ADGRL3: variants seen among roughly 807,000 people sequenced by gnomAD.
ADGRL3 encodes calcium-independent alpha-latrotoxin receptor 3.
A neutral mutation model predicts 153.5 loss-of-function variants in ADGRL3; 62 were observed. The observed-to-expected ratio is 0.40, with a 90% CI of 0.33 to 0.50. The LOEUF is 0.50. Ranked by LOEUF, ADGRL3 falls within the 20% of genes least tolerant of loss-of-function variation. The pLI is 0.47. For synonymous variants in ADGRL3, 710 were observed against 672.5 expected (o/e 1.06, Z -0.86); for missense variants, 1,641 against 1,859.4 (o/e 0.88, Z 2.16).
intron 13 of ADGRL3, among the ~76,000 whole-genome samples, chr4:61,931,043 G>GACAT (rs2098815603): frequency 1.3e-5 from 2 of 152,046 alleles, no homozygotes; most frequent in South Asian, 4.1e-4. Context: ...CTAGTAAAGG[G>GACAT]ACATGTCAGC....
intron 9 of ADGRL3, among the ~76,000 whole-genome samples, chr4:61,818,284 A>G (rs2097711102): frequency 6.6e-6 from 1 of 152,210 alleles, no homozygotes; most frequent in African/African-American, 2.4e-5. Flanking sequence ...TCGGGTAGTC[A>G]TTAAACCTTA....
At chr4:61,237,875 T>C (rs1196296256) in intron 1 of ADGRL3, among the ~76,000 whole-genome samples, 1 of 152,176 alleles carries the variant, frequency 6.6e-6, no homozygotes, top group Non-Finnish European at 1.5e-5. Context: ...GGGTGAAATA[T>C]TGAAACACAG....
At chr4:61,756,969 C>A (rs1174904716) in intron 8 of ADGRL3, among the ~76,000 whole-genome samples, 1 of 152,164 alleles carries the variant, frequency 6.6e-6, no homozygotes, top group African/African-American at 2.4e-5. Context: ...AGGGATGAAG[C>A]CCACTTGATC....
rs553776871 is a variant in ADGRL3, at chr4:61,764,136, C to T, written c.1399+30582C>T. ...CTAAGCCAATTTGAATAAACCATTA[C>T]ATAATTTTATAAATTAATTTGGTAA... On this transcript the variant is annotated intron_variant, in intron 8 of 26. Coordinates refer to ENST00000683033, the MANE Select transcript of ADGRL3 (RefSeq NM_001387552.1). Among the ~76,000 whole-genome samples the T allele has an allele frequency of 2.0e-5, 3 of 152,208 alleles. No individual in the cohort carries two copies. The South Asian group carries it at 6.2e-4, about 32-fold the overall frequency.
At chr4:61,284,277 A>G (rs1270762682) in intron 1 of ADGRL3, among the ~76,000 whole-genome samples, 2 of 151,946 alleles carry the variant, frequency 1.3e-5, no homozygotes, top group African/African-American at 4.8e-5. Context: ...GCAGCTCACC[A>G]TCAGATTGCA....
chr4:61,714,093 C>T (rs1270938282), intron 6 of ADGRL3, among the ~76,000 whole-genome samples: 2 of 152,042 alleles, frequency 1.3e-5, no homozygotes, highest in Non-Finnish European at 2.9e-5. Flanking sequence ...TTCTTTTCTG[C>T]ACTTTTCACT....
intron 4 of ADGRL3, among the ~76,000 whole-genome samples, chr4:61,564,751 G>A (rs1477826407): frequency 6.6e-6 from 1 of 152,142 alleles, no homozygotes; most frequent in Non-Finnish European, 1.5e-5. Context: ...TGAGAGATGT[G>A]CCACTCTTCC....
At chr4:61,483,387 A>C (rs2152744709) in intron 2 of ADGRL3, among the ~76,000 whole-genome samples, 1 of 152,340 alleles carries the variant, frequency 6.6e-6, no homozygotes, top group South Asian at 2.1e-4. Context: ...CATAGCAATT[A>C]AATAATGATA....
At chr4:61,317,188 C>A (rs2095241809) in intron 1 of ADGRL3, among the ~76,000 whole-genome samples, 1 of 152,118 alleles carries the variant, frequency 6.6e-6, no homozygotes, top group Admixed American at 6.5e-5. Context: ...CTTTTAAAAA[C>A]CTTGAGGCCT....
intron 12 of ADGRL3, 46 bp from the exon 13 acceptor site, chr4:61,912,673 T>G (rs1214271567): frequency 5.7e-6 from 9 of 1,569,840 alleles, no homozygotes; most frequent in Non-Finnish European, 7.9e-6. Context: ...TGTCACTAAC[T>G]TGTTTTTTCT....
rs553214924 is a variant in ADGRL3, at chr4:61,926,681, G to A, written c.2113-8159G>A. The stretch of plus-strand genomic sequence containing the variant: ...AATTAAAGGAGTTAATGCATGTAAA[G>A]CATTCATATCAAGGTCTGGAATACA... On this transcript the variant is annotated intron_variant, in intron 13 of 26. Coordinates refer to ENST00000683033, the MANE Select transcript of ADGRL3 (RefSeq NM_001387552.1). 2.0e-5 allele frequency among the ~76,000 whole-genome samples: 3 copies of A among 152,228 alleles called. No homozygotes were observed. The South Asian group carries it at 6.2e-4, about 32-fold the overall frequency.
At chr4:61,456,423 CTATATCTAT>C in intron 2 of ADGRL3, among the ~76,000 whole-genome samples, 1 of 50,476 alleles carries the variant, frequency 2.0e-5, no homozygotes, top group Admixed American at 3.1e-4. Context: ...ATAGATATAT[CTATATCTAT>C]ATATATAGAT....
intron 6 of ADGRL3, among the ~76,000 whole-genome samples, chr4:61,687,514 T>A (rs114662275): frequency 0.047 from 7,146 of 152,114 alleles, 207 homozygotes; most frequent in East Asian, 0.12. Context: ...ACATTATTTT[T>A]AAAATATAAA....
chr4:61,914,213 A>G (rs2098734920), intron 13 of ADGRL3, among the ~76,000 whole-genome samples: 1 of 152,108 alleles, frequency 6.6e-6, no homozygotes, highest in African/African-American at 2.4e-5. Context: ...ACAAGAACAC[A>G]TTACAAATGT....
chr4:61,367,958 T>G (rs1560527551), intron 1 of ADGRL3, among the ~76,000 whole-genome samples: 2 of 151,060 alleles, frequency 1.3e-5, no homozygotes, highest in African/African-American at 4.9e-5. Context: ...TATCTCATTG[T>G]GGTTTCGATT....
intron 5 of ADGRL3, among the ~76,000 whole-genome samples, chr4:61,666,511 T>C (rs150130495): frequency 1.4e-5 from 2 of 148,042 alleles, no homozygotes; most frequent in African/African-American, 2.5e-5. Context: ...CAGCACTCCA[T>C]TGAAGTATAA....
intron 1 of ADGRL3, among the ~76,000 whole-genome samples, chr4:61,279,182 G>C (rs1319356742): frequency 6.6e-6 from 1 of 152,122 alleles, no homozygotes; most frequent in Non-Finnish European, 1.5e-5. Flanking sequence ...TAAAAATATG[G>C]ATCTGTTTGG....
intron 6 of ADGRL3, among the ~76,000 whole-genome samples, chr4:61,705,699 A>G (rs2095846275): frequency 6.6e-6 from 1 of 151,940 alleles, no homozygotes; most frequent in Admixed American, 6.6e-5. Flanking sequence ...GGGTTTCGCC[A>G]TGTTGTCCAG....
intron 2 of ADGRL3, among the ~76,000 whole-genome samples, chr4:61,402,913 G>C (rs938565804): frequency 1.5e-4 from 23 of 151,900 alleles, no homozygotes; most frequent in Middle Eastern, 6.8e-3. Context: ...CATTGTTTAG[G>C]TGGCTTAAAA....
Sources: gnomAD v4.1 joint callset for allele counts (sites outside exome capture counted in the v4.1 genomes callset) on GRCh38, gnomAD v4.1.1 for gene constraint, MANE v1.5 for transcripts, NCBI Gene and HGNC (gene_info 2026-07-23, HGNC 2026-07-21) for gene names.